USF1: variants seen among roughly 807,000 people sequenced by gnomAD.
USF1 encodes the protein upstream stimulatory factor 1.
Under a neutral mutation model 46.3 loss-of-function variants are expected in USF1, and 22 were observed. The ratio of observed to expected loss-of-function variants is 0.47; its 90% CI spans 0.34 to 0.68. USF1 has a LOEUF of 0.68. Ranked by LOEUF, USF1 falls within the 30% of genes least tolerant of loss-of-function variation. USF1 has a pLI of 0.01. For synonymous variants in USF1, 150 were observed against 147.0 expected (o/e 1.02, Z -0.15); for missense variants, 287 against 399.3 (o/e 0.72, Z 2.40).
At position 161,039,975 on chromosome 1, in the gene USF1, C is replaced by G. The variant is rs772897096; in HGVS notation, c.878G>C (p.Arg293Pro). The change falls in exon 11 of 11, where the codon CGA becomes CCA. Residue 293 changes from arginine to proline, a missense_variant. Physicochemically the swap from Arg to Pro is moderately radical, Grantham distance 103 (BLOSUM62 -2). Coordinates refer to ENST00000368021, the MANE Select transcript of USF1 (RefSeq NM_007122.5). ...EDLKNKNLLL[R>P]AQLRHHGLEV... Reference sequence around the variant, plus strand: ...TAATCCGTGGTGCCGCAACTGAGCTCGAAGCAGCAGATTCTTGTTTTTAAG... The same window carrying G: ...TAATCCGTGGTGCCGCAACTGAGCTGGAAGCAGCAGATTCTTGTTTTTAAG... The G allele has an allele frequency of 6.2e-7, 1 of 1,614,130 alleles. No individual in the cohort carries two copies. The highest frequency in any genetic ancestry group is 8.5e-7 in the Non-Finnish European group (1 of 1,180,046).
chr1:161,041,951 G>A (rs1303179057), intron 5 of USF1, 105 bp from the exon 6 acceptor site: 2 of 1,245,926 alleles, frequency 1.6e-6, no homozygotes, highest in Non-Finnish European at 2.2e-6. Flanking sequence ...AGGGTGGAGA[G>A]AGAGAGAGAG....
intron 7 of USF1, 43 bp downstream of exon 7, chr1:161,041,281 A>C: frequency 6.8e-7 from 1 of 1,463,052 alleles, no homozygotes; most frequent in South Asian, 1.3e-5. Context: ...AAAAAAAAAA[A>C]AAAACCACTT....
rs1557905118 is a variant in USF1 at position 161,040,542 on chromosome 1, G to A, written c.714+34C>T. On this transcript the variant is annotated intron_variant, in intron 9 of 10. Transcript: ENST00000368021. The surrounding 1 kb of genome is among the most constrained non-coding windows in gnomAD (Gnocchi z 4.0). ...AAACAATACCAGGAGGCAGAATTCA[G>A]GCATCCTGCCCACTACCAGGGTCTT... The A allele has an allele frequency of 6.3e-7, 1 of 1,599,340 alleles. No homozygotes were observed. The highest frequency in any genetic ancestry group is 2.2e-5 in the East Asian group (1 of 44,688).
rs761240644 is a variant in USF1 at position 161,039,881 on chromosome 1, T to C, written c.*39A>G. 4.4e-6 allele frequency: 7 copies of C among 1,606,576 alleles called. No homozygotes were observed. The African/African-American group carries it at 8.0e-5, about 18-fold the overall frequency. On this transcript the variant is annotated 3_prime_UTR_variant, in exon 11 of 11. Coordinates refer to ENST00000368021, the MANE Select transcript of USF1 (RefSeq NM_007122.5). The stretch of plus-strand genomic sequence containing the variant: ...GGATTAGGCTGTTGCTCCTGGGCTA[T>C]CTGCAGTTCTTGGGCCCAAAGCCCC...
At position 161,041,754 on chromosome 1, in the gene USF1, T is replaced by C; in HGVS notation, c.369A>G (p.Ala123=). The change falls in exon 6 of 11, where the codon GCA becomes GCG. Residue 123 remains alanine (A), a synonymous_variant. Coordinates refer to ENST00000368021, the MANE Select transcript of USF1 (RefSeq NM_007122.5). ...ETHYTYFPST[A]VGDGAGGTTS... ...TGGTACCCCCTGCCCCATCTCCCACTGCCGTGCTGGGGAAGTAAGTATAGT... is the reference window on the plus strand; with the variant it reads ...TGGTACCCCCTGCCCCATCTCCCACCGCCGTGCTGGGGAAGTAAGTATAGT... 6.2e-7 allele frequency: 1 copy of C among 1,614,094 alleles called. No individual in the cohort carries two copies. Among genetic ancestry groups the C allele is most frequent in the Admixed American group, 1.7e-5 (1 of 60,012 alleles).
chr1:161,040,767 C>G lies in USF1; in HGVS notation c.619+47G>C. ...TCCCTCCTCCCCTCAGACATCACTG[C>G]TGAGATCACACCAGACAGCTTCTAG... On this transcript the variant is annotated intron_variant, in intron 8 of 10. Coordinates refer to ENST00000368021, the MANE Select transcript of USF1 (RefSeq NM_007122.5). This position sits in a 1 kb window ranked among gnomAD's most constrained non-coding sequence, Gnocchi z 4.0. The G allele has an allele frequency of 6.2e-7, 1 of 1,613,860 alleles. No individual in the cohort carries two copies. Among genetic ancestry groups the G allele is most frequent in the Middle Eastern group, 1.6e-4 (1 of 6,062 alleles).
chr1:161,044,704 AG>A (rs1650723949), intron 1 of USF1, among the ~76,000 whole-genome samples: 1 of 149,250 alleles, frequency 6.7e-6, no homozygotes, highest in East Asian at 1.9e-4. Flanking sequence ...AAAAAAAAAC[AG>A]GGTTCTGAAG....
At position 161,043,276 on chromosome 1, in the gene USF1, C is replaced by G. The variant is rs746148740; in HGVS notation, c.-1G>C. ...ACCTCTTCTTCACTCACCCCTTCAT[C>G]TCTCTGTGAGGGGGCACATCCGAGG... On this transcript the variant is annotated 5_prime_UTR_variant, in exon 2 of 11. Coordinates refer to ENST00000368021, the MANE Select transcript of USF1 (RefSeq NM_007122.5). 9 of 1,614,090 alleles carry G rather than the reference C, an allele frequency of 5.6e-6. No homozygotes were observed. The South Asian group carries it at 9.9e-5, about 18-fold the overall frequency.
chr1:161,043,204 G>A (rs1376580186), intron 2 of USF1, 64 bp downstream of exon 2: 1 of 1,613,352 alleles, frequency 6.2e-7, no homozygotes, highest in African/African-American at 1.3e-5. Context: ...CAGTGCTCTT[G>A]GTCATTTTGC....
intron 6 of USF1, 84 bp downstream of exon 6, chr1:161,041,567 C>T: frequency 6.5e-7 from 1 of 1,528,118 alleles, no homozygotes; most frequent in South Asian, 1.2e-5. Context: ...CACTAAGAGT[C>T]ATGAGTGAAG....
intron 5 of USF1, 31 bp from the exon 6 acceptor site, chr1:161,041,877 GT>G (rs1557906302): frequency 3.8e-6 from 6 of 1,596,946 alleles, no homozygotes. Context: ...ACTGATTCTG[GT>G]AACAGTCAAA....
At chr1:161,043,452 A>G in intron 1 of USF1, 92 bp from the exon 2 acceptor site, 3 of 954,844 alleles carry the variant, frequency 3.1e-6, no homozygotes. Context: ...ATAGCCAGGA[A>G]AATAACCCAG....
chr1:161,041,753 C>T lies in USF1; in HGVS notation c.370G>A (p.Val124Met). 6.2e-7 allele frequency: 1 copy of T among 1,614,164 alleles called. No individual in the cohort carries two copies. The highest frequency in any genetic ancestry group is 8.5e-7 in the Non-Finnish European group (1 of 1,180,022). ...GTGGTACCCCCTGCCCCATCTCCCACTGCCGTGCTGGGGAAGTAAGTATAG... is the reference window on the plus strand; with the variant it reads ...GTGGTACCCCCTGCCCCATCTCCCATTGCCGTGCTGGGGAAGTAAGTATAG... ...THYTYFPSTA[V>M]GDGAGGTTSG... Residue 124 changes from valine to methionine, a missense_variant, in exon 6 of 11, where the codon GTG becomes ATG. Coordinates refer to ENST00000368021, the MANE Select transcript of USF1 (RefSeq NM_007122.5).
intron 7 of USF1, 44 bp downstream of exon 7, chr1:161,041,280 A>C (rs1025139820): frequency 1.4e-6 from 2 of 1,456,196 alleles, no homozygotes; most frequent in African/African-American, 1.4e-5. Flanking sequence ...AAAAAAAAAA[A>C]AAAAACCACT....
At position 161,039,871 on chromosome 1, in the gene USF1, T is replaced by C. The variant is rs1571044436; in HGVS notation, c.*49A>G. ...AAGGGGCACGGGATTAGGCTGTTGC[T>C]CCTGGGCTATCTGCAGTTCTTGGGC... On this transcript the variant is annotated 3_prime_UTR_variant, in exon 11 of 11. Transcript: ENST00000368021. 2 of 1,596,836 alleles carry C rather than the reference T, an allele frequency of 1.3e-6. No individual in the cohort carries two copies. Among genetic ancestry groups the C allele is most frequent in the African/African-American group, 2.7e-5 (2 of 74,612 alleles).
Position 161,040,686 on chromosome 1 carries a change from G to A in USF1, c.620-16C>T. The stretch of plus-strand genomic sequence containing the variant: ...CGACGCTCCACTGTGGGGCAAAGTG[G>A]AGGACAAGGTGACTCAGTGAAAACT... On this transcript the variant is annotated splice_polypyrimidine_tract_variant and intron_variant, in intron 8 of 10. Transcript: ENST00000368021. The surrounding 1 kb of genome is among the most constrained non-coding windows in gnomAD (Gnocchi z 4.0). The A allele has an allele frequency of 6.2e-7, 1 of 1,611,072 alleles. No individual in the cohort carries two copies. The highest frequency in any genetic ancestry group is 8.5e-7 in the Non-Finnish European group (1 of 1,179,872).
Position 161,041,389 on chromosome 1 carries a change from T to C in USF1, c.495A>G (p.Ser165=). The C allele has an allele frequency of 6.2e-7, 1 of 1,613,360 alleles. No homozygotes were observed. ...TTCCTCCCTGCAGTACTTCTTGTGGTGACATCATCACAAAGAATTGACCTG... is the reference window on the plus strand; with the variant it reads ...TTCCTCCCTGCAGTACTTCTTGTGGCGACATCATCACAAAGAATTGACCTG... The part of the protein sequence containing the change: ...PGTGQFFVMM[S]PQEVLQGGSQ... The change falls in exon 7 of 11, where the codon TCA becomes TCG. Residue 165 remains serine, a synonymous_variant. Transcript: ENST00000368021.
Position 161,039,622 on chromosome 1 carries a change from C to T in USF1, c.*298G>A, listed in dbSNP as rs1650433414. On this transcript the variant is annotated 3_prime_UTR_variant, in exon 11 of 11. Coordinates refer to ENST00000368021, the MANE Select transcript of USF1 (RefSeq NM_007122.5). ...ACTCTAAGCAAGCACAGGACAAGCCCCAGAGTTTAGTGTGTCCAGTATCCA... is the reference window on the plus strand; with the variant it reads ...ACTCTAAGCAAGCACAGGACAAGCCTCAGAGTTTAGTGTGTCCAGTATCCA... 1 of 379,944 alleles carries T rather than the reference C, an allele frequency of 2.6e-6. No homozygotes were observed. The highest frequency in any genetic ancestry group is 2.9e-5 in the South Asian group (1 of 34,036). 23.5% of individuals were successfully genotyped at this position (379,944 alleles called of 1,614,324 possible). A position where few individuals can be genotyped will look rare whatever the true frequency, so the allele number is the denominator to read the frequency against.
At chr1:161,042,360 T>C in intron 4 of USF1, 143 bp from the exon 5 acceptor site, 2 of 1,057,810 alleles carry the variant, frequency 1.9e-6, no homozygotes, top group Non-Finnish European at 2.7e-6. Flanking sequence ...CATTCTCCCT[T>C]CTTTCCCCAC....
Sources: gnomAD v4.1 joint callset for allele counts (sites outside exome capture counted in the v4.1 genomes callset) on GRCh38, gnomAD v4.1.1 for gene constraint, Gnocchi (gnomAD v3.1) non-coding constraint, MANE v1.5 for transcripts, NCBI Gene and HGNC (gene_info 2026-07-23, HGNC 2026-07-21) for gene names.